Variants in PRIM2 observed in about 807,000 individuals in gnomAD.
PRIM2 encodes DNA primase subunit 2.
PRIM2 carries 39 observed loss-of-function variants against 67.3 expected under a neutral mutation model. The ratio of observed to expected loss-of-function variants is 0.58; its 90% CI spans 0.45 to 0.76. The LOEUF (loss-of-function observed/expected upper bound fraction) is 0.76, where lower values mean the gene tolerates loss of function less well. Ranked by LOEUF, PRIM2 falls within the 30% of genes least tolerant of loss-of-function variation. PRIM2 has a pLI of 0.00. For missense variants in PRIM2, 398 were observed against 598.7 expected, an observed-to-expected ratio of 0.66 and a Z score of 3.50; for synonymous variants, 143 against 198.7, an observed-to-expected ratio of 0.72 and a Z score of 2.36.
chr6:57,602,264 T>C (rs1424130230), intron 11 of PRIM2, among the ~76,000 whole-genome samples: 1 of 152,180 alleles, frequency 6.6e-6, no homozygotes, highest in Admixed American at 6.5e-5. Flanking sequence ...TTTCGCCTAG[T>C]TGGCCAGGCT....
chr6:57,245,612 GC>G, the PRIM2 span, among the ~76,000 whole-genome samples: 2 of 152,160 alleles, frequency 1.3e-5, no homozygotes, highest in Non-Finnish European at 2.9e-5. Context: ...ATCTCTTAGA[GC>G]ACAACCTAAG....
At position 57,612,601 on chromosome 6, in the gene PRIM2, G is replaced by A. The variant is rs1193475701; in HGVS notation, c.1230+6144G>A. Among the ~76,000 whole-genome samples, 56 of 152,110 alleles carry A rather than the reference G, an allele frequency of 3.7e-4. 2 individuals carry two copies. The highest frequency in any genetic ancestry group is 2.9e-5 in the Non-Finnish European group (2 of 68,014). ...CAAGGGAAATATTTTTGGGTAATGG[G>A]AATGATCTGTGTTGATTGCAGGGTA... is the stretch of plus-strand genomic sequence containing the variant. On this transcript the variant is annotated intron_variant, in intron 12 of 13. Coordinates refer to ENST00000615550, the MANE Select transcript of PRIM2 (RefSeq NM_000947.5).
chr6:57,624,727 T>A (rs1776917157), intron 12 of PRIM2, among the ~76,000 whole-genome samples: 1 of 152,204 alleles, frequency 6.6e-6, no homozygotes, highest in South Asian at 2.1e-4. Flanking sequence ...GGGAATATAA[T>A]GATGACTAAA....
chr6:57,521,249 A>G (rs1451877453), intron 8 of PRIM2, among the ~76,000 whole-genome samples: 2 of 151,852 alleles, frequency 1.3e-5, no homozygotes, highest in Non-Finnish European at 2.9e-5. Flanking sequence ...GATATCCTTC[A>G]CCGCAGGAAA....
At chr6:57,346,055 T>C (rs1031545644) in intron 5 of PRIM2, among the ~76,000 whole-genome samples, 3 of 152,174 alleles carry the variant, frequency 2.0e-5, no homozygotes, top group African/African-American at 7.2e-5. Context: ...TTTGGTGGGT[T>C]TTGGCTGGCT....
chr6:57,349,486 T>C (rs1768792455), intron 5 of PRIM2, among the ~76,000 whole-genome samples: 2 of 150,792 alleles, frequency 1.3e-5, no homozygotes, highest in Admixed American at 6.6e-5. Context: ...TATTTAGTTA[T>C]GGAATTCTAT....
chr6:57,597,676 C>G (rs1232930432), intron 10 of PRIM2, among the ~76,000 whole-genome samples: 14 of 152,054 alleles, frequency 9.2e-5, no homozygotes, highest in African/African-American at 1.9e-4. Flanking sequence ...GGGATTCTTT[C>G]CCAGGTTTCT....
chr6:57,539,006 A>G, intron 10 of PRIM2, among the ~76,000 whole-genome samples: 1 of 152,284 alleles, frequency 6.6e-6, no homozygotes, highest in Non-Finnish European at 1.5e-5. Flanking sequence ...GTGTGTAGCT[A>G]TATACTTTAT....
intron 7 of PRIM2, among the ~76,000 whole-genome samples, chr6:57,418,351 A>G (rs5005221): frequency 7.0e-6 from 1 of 143,262 alleles, no homozygotes; most frequent in Admixed American, 7.2e-5. Flanking sequence ...TAGAAGTAGT[A>G]ATGGGATAAG....
At chr6:57,602,015 C>T (rs1452387670) in intron 11 of PRIM2, among the ~76,000 whole-genome samples, 27 of 151,380 alleles carry the variant, frequency 1.8e-4, no homozygotes, top group Non-Finnish European at 3.7e-4. Context: ...GGCCAGCACT[C>T]GTCATATAGA....
chr6:57,411,064 G>A (rs1771073281), intron 7 of PRIM2, among the ~76,000 whole-genome samples: 1 of 151,836 alleles, frequency 6.6e-6, no homozygotes, highest in Admixed American at 6.6e-5. Flanking sequence ...CTCATGGTTG[G>A]TGATGTCTTC....
upstream of PRIM2, among the ~76,000 whole-genome samples, chr6:57,314,353 A>G (rs939526388): frequency 6.6e-6 from 1 of 152,106 alleles, no homozygotes; most frequent in Admixed American, 6.5e-5. Flanking sequence ...CGTCTCTACT[A>G]AAAAAGCAAA....
At chr6:57,594,434 G>T (rs1776331929) in intron 10 of PRIM2, among the ~76,000 whole-genome samples, 1 of 152,206 alleles carries the variant, frequency 6.6e-6, no homozygotes, top group Non-Finnish European at 1.5e-5. Context: ...AATCAAGACT[G>T]TGTTATTGGC....
At chr6:57,540,793 G>A (rs1189193704) in intron 10 of PRIM2, among the ~76,000 whole-genome samples, 3 of 152,154 alleles carry the variant, frequency 2.0e-5, no homozygotes, top group African/African-American at 4.8e-5. Flanking sequence ...AAAATTAACT[G>A]TAGCACATTC....
chr6:57,626,473 A>G (rs1437859110), intron 12 of PRIM2, among the ~76,000 whole-genome samples: 1 of 152,194 alleles, frequency 6.6e-6, no homozygotes, highest in Non-Finnish European at 1.5e-5. Context: ...CCTCAACTGC[A>G]AAGATGTCTT....
At chr6:57,520,357 C>T (rs1164288626) in intron 8 of PRIM2, among the ~76,000 whole-genome samples, 2 of 152,156 alleles carry the variant, frequency 1.3e-5, no homozygotes, top group Non-Finnish European at 2.9e-5. Context: ...GAACTTTATT[C>T]CCTCGACCTC....
intron 10 of PRIM2, among the ~76,000 whole-genome samples, chr6:57,538,391 A>C (rs1775043855): frequency 6.6e-6 from 1 of 152,038 alleles, no homozygotes. Context: ...TAAAAACCCT[A>C]TCTGCAGTGC....
At chr6:57,633,771 T>G (rs1220530943) in intron 13 of PRIM2, among the ~76,000 whole-genome samples, 3 of 152,094 alleles carry the variant, frequency 2.0e-5, no homozygotes, top group Non-Finnish European at 4.4e-5. Context: ...CGCATGAGAA[T>G]CTAAGGCCAC....
At chr6:57,485,092 T>G (rs1379934845) in intron 7 of PRIM2, among the ~76,000 whole-genome samples, 1 of 152,202 alleles carries the variant, frequency 6.6e-6, no homozygotes, top group Admixed American at 6.5e-5. Context: ...AGGAGATATT[T>G]GAATATGGGT....
Sources: gnomAD v4.1 joint callset for allele counts (sites outside exome capture counted in the v4.1 genomes callset) on GRCh38, gnomAD v4.1.1 for gene constraint, MANE v1.5 for transcripts, NCBI Gene and HGNC (gene_info 2026-07-23, HGNC 2026-07-21) for gene names.